CDK5RAP2: variants seen among roughly 807,000 people sequenced by gnomAD.
CDK5RAP2 encodes the protein CDK5 regulatory subunit associated protein 2, also known as CDK5 regulatory subunit-associated protein 2.
Under a neutral mutation model 232.9 loss-of-function variants are expected in CDK5RAP2, and 147 were observed. The ratio of observed to expected loss-of-function variants is 0.63; its 90% confidence interval spans 0.55 to 0.72. The LOEUF is 0.72. Ranked by LOEUF, CDK5RAP2 falls within the 30% of genes least tolerant of loss-of-function variation. CDK5RAP2 has a pLI of 0.00. For synonymous variants in CDK5RAP2, 833 were observed against 833.7 expected (o/e 1.00, Z 0.01); for missense variants, 2,195 against 2,231.5 (o/e 0.98, Z 0.33).
At position 120,437,304 on chromosome 9, in the gene CDK5RAP2, A is replaced by G; in HGVS notation, c.3946T>C (p.Phe1316Leu). The G allele has an allele frequency of 6.2e-7, 1 of 1,612,318 alleles. No individual in the cohort carries two copies. Among genetic ancestry groups the G allele is most frequent in the Non-Finnish European group, 8.5e-7 (1 of 1,178,992 alleles). The part of the protein sequence containing the change: ...AELLEKLEKL[F>L]LNGKSVGVEM... ...ACCTCACCCTACCTACCGTTGAGAA[A>G]TAGCTTTTCCAATTTCTCCAGCAGC... is the stretch of plus-strand genomic sequence containing the variant. Residue 1316 changes from phenylalanine to leucine, a missense_variant, in exon 25 of 38, where the codon TTT becomes CTT. Coordinates refer to ENST00000349780, the MANE Select transcript of CDK5RAP2 (RefSeq NM_018249.6).
At chr9:120,484,003 A>G (rs1564282945) in intron 14 of CDK5RAP2, among the ~76,000 whole-genome samples, 1 of 152,206 alleles carries the variant, frequency 6.6e-6, no homozygotes, top group South Asian at 2.1e-4. Context: ...TGTCCCAACC[A>G]TGCCAATAAC....
At chr9:120,512,020 G>A (rs1213143867) in intron 12 of CDK5RAP2, among the ~76,000 whole-genome samples, 1 of 152,078 alleles carries the variant, frequency 6.6e-6, no homozygotes, top group African/African-American at 2.4e-5. Context: ...TTACAGGCGT[G>A]AGCCACCGCG....
At chr9:120,546,728 G>A (rs1395894962) in intron 4 of CDK5RAP2, among the ~76,000 whole-genome samples, 2 of 151,982 alleles carry the variant, frequency 1.3e-5, no homozygotes, top group Non-Finnish European at 2.9e-5. Flanking sequence ...CAAACTCCTG[G>A]GCTCAAGGGA....
At position 120,580,151 on chromosome 9, in the gene CDK5RAP2, C is replaced by T; in HGVS notation, c.-173G>A. 3.4e-6 allele frequency: 2 copies of T among 586,020 alleles called. No homozygotes were observed. The highest frequency in any genetic ancestry group is 4.3e-5 in the South Asian group (2 of 46,752). 36.3% of individuals were successfully genotyped at this position (586,020 alleles called of 1,614,324 possible). A position where few individuals can be genotyped will look rare whatever the true frequency, so the allele number is the denominator to read the frequency against. On this transcript the variant is annotated 5_prime_UTR_variant, in exon 1 of 38. Transcript: ENST00000349780. ...ACAGACGCCGCCATCTTTCCCGGCG[C>T]TTCTTCCTACGGAAACGAGGCGGGG...
intron 21 of CDK5RAP2, among the ~76,000 whole-genome samples, chr9:120,450,787 C>G (rs1277359759): frequency 6.6e-6 from 1 of 152,170 alleles, no homozygotes; most frequent in African/African-American, 2.4e-5. Context: ...ACCGAGATGT[C>G]AAACAACTAG....
chr9:120,525,855 C>A (rs1014752936), intron 10 of CDK5RAP2, among the ~76,000 whole-genome samples: 1 of 152,152 alleles, frequency 6.6e-6, no homozygotes, highest in African/African-American at 2.4e-5. Flanking sequence ...TGGCCTCAAG[C>A]GATCCTCCGA....
At chr9:120,460,359 TA>T (rs1458999748) in intron 19 of CDK5RAP2, among the ~76,000 whole-genome samples, 4 of 152,240 alleles carry the variant, frequency 2.6e-5, no homozygotes, top group African/African-American at 9.6e-5. Context: ...TTTGCAAGTT[TA>T]TGCTCGTTTT....
chr9:120,456,741 T>C (rs941392191), intron 20 of CDK5RAP2, among the ~76,000 whole-genome samples: 1 of 152,204 alleles, frequency 6.6e-6, no homozygotes, highest in African/African-American at 2.4e-5. Context: ...CAATTGTTAT[T>C]TGGCTAGCCA....
chr9:120,576,519 T>C (rs971717073), intron 1 of CDK5RAP2, among the ~76,000 whole-genome samples: 2 of 152,132 alleles, frequency 1.3e-5, no homozygotes, highest in African/African-American at 4.8e-5. Flanking sequence ...CTGGCCAACA[T>C]GGTGAAACCC....
chr9:120,501,529 G>A (rs1393898767), intron 12 of CDK5RAP2, among the ~76,000 whole-genome samples: 1 of 152,150 alleles, frequency 6.6e-6, no homozygotes, highest in Non-Finnish European at 1.5e-5. Context: ...CAGACACTGT[G>A]GCAGATTAAA....
At chr9:120,557,618 G>C (rs1186831132) in intron 3 of CDK5RAP2, among the ~76,000 whole-genome samples, 2 of 151,920 alleles carry the variant, frequency 1.3e-5, no homozygotes, top group African/African-American at 2.4e-5. Flanking sequence ...AATTAGCTGG[G>C]TATAGTGGCA....
intron 6 of CDK5RAP2, among the ~76,000 whole-genome samples, chr9:120,538,343 A>G (rs1044494207): frequency 4.6e-5 from 7 of 152,222 alleles, no homozygotes; most frequent in Admixed American, 1.3e-4. Context: ...GATAAAACAA[A>G]AGATTTCAAA....
intron 22 of CDK5RAP2, among the ~76,000 whole-genome samples, chr9:120,445,454 C>G (rs762816995): frequency 1.3e-5 from 2 of 152,172 alleles, no homozygotes; most frequent in African/African-American, 2.4e-5. Context: ...TCAGGGCTGT[C>G]CATGCTTGCT....
intron 5 of CDK5RAP2, among the ~76,000 whole-genome samples, chr9:120,544,406 C>A (rs949882081): frequency 2.6e-5 from 4 of 152,230 alleles, no homozygotes; most frequent in African/African-American, 9.6e-5. Flanking sequence ...ACTTGTTAAT[C>A]TGGTGATATT....
intron 15 of CDK5RAP2, among the ~76,000 whole-genome samples, chr9:120,476,031 G>T (rs957115012): frequency 6.6e-6 from 1 of 152,124 alleles, no homozygotes; most frequent in African/African-American, 2.4e-5. Flanking sequence ...GGACTGGGAG[G>T]AGACAAAGTA....
At chr9:120,511,879 A>G (rs2040107256) in intron 12 of CDK5RAP2, among the ~76,000 whole-genome samples, 1 of 151,898 alleles carries the variant, frequency 6.6e-6, no homozygotes, top group Admixed American at 6.6e-5. Flanking sequence ...CTGGGACTAC[A>G]GGTGTCTGCC....
intron 35 of CDK5RAP2, among the ~76,000 whole-genome samples, chr9:120,395,074 TAC>T (rs2032341565): frequency 2.0e-5 from 3 of 152,206 alleles, no homozygotes; most frequent in Non-Finnish European, 4.4e-5. Flanking sequence ...TTATGGTACT[TAC>T]ATATAATACA....
rs766978204 is a variant in CDK5RAP2 at position 120,419,918 on chromosome 9, T to C, written c.4047A>G (p.Glu1349=). 1.2e-5 allele frequency: 19 copies of C among 1,613,918 alleles called. No homozygotes were observed. The part of the protein sequence containing the change: ...DNLTYQHLLP[E]SPEPSASHAL... The stretch of plus-strand genomic sequence containing the variant: ...CATGAGAGGCTGAAGGCTCAGGAGA[T>C]TCAGGCAGAAGATGTTGGTAGGTTA... The change falls in exon 27 of 38, where the codon GAA becomes GAG. Residue 1349 remains glutamate, a synonymous_variant. Coordinates refer to ENST00000349780, the MANE Select transcript of CDK5RAP2 (RefSeq NM_018249.6).
At chr9:120,460,509 C>G in intron 19 of CDK5RAP2, 63 bp downstream of exon 19, 1 of 1,497,192 alleles carries the variant, frequency 6.7e-7, no homozygotes. Flanking sequence ...ATTCCAGACT[C>G]GAAGACTGAT....
Sources: gnomAD v4.1 joint callset for allele counts (sites outside exome capture counted in the v4.1 genomes callset) on GRCh38, gnomAD v4.1.1 for gene constraint, MANE v1.5 for transcripts, NCBI Gene and HGNC (gene_info 2026-07-23, HGNC 2026-07-21) for gene names.